Variants in TBCD observed in about 807,000 individuals in gnomAD.
TBCD encodes the protein tubulin-specific chaperone D.
In TBCD, 105 loss-of-function variants were observed where a neutral mutation model predicts 169.3. That is an observed-to-expected ratio of 0.62 (90% CI 0.53 to 0.73). The LOEUF (loss-of-function observed/expected upper bound fraction) is 0.73, where lower values mean the gene tolerates loss of function less well. TBCD is among the 30% of genes least tolerant of loss of function. TBCD has a pLI of 0.00. For synonymous variants in TBCD, 700 were observed against 643.9 expected (o/e 1.09, Z -1.32); for missense variants, 1,444 against 1,600.1 (o/e 0.90, Z 1.66).
At chr17:82,797,906 A>T (rs893125335) in intron 8 of TBCD, 104 bp downstream of exon 8, 2 of 722,116 alleles carry the variant, frequency 2.8e-6, no homozygotes, top group Non-Finnish European at 4.0e-6. Context: ...GGAACTGTAC[A>T]TTGGTATGTT....
intron 1 of TBCD, 146 bp downstream of exon 1, chr17:82,752,523 G>A: frequency 3.1e-6 from 2 of 644,654 alleles, no homozygotes; most frequent in Non-Finnish European, 4.0e-6. Context: ...CCGTGGTGGG[G>A]CGCGGCCTTC....
intron 22 of TBCD, among the ~76,000 whole-genome samples, chr17:82,911,288 C>T (rs1294584197): frequency 1.4e-4 from 22 of 152,242 alleles, no homozygotes; most frequent in African/African-American, 3.6e-4. Flanking sequence ...CAGGGCAGCG[C>T]GCCTGCCCTT....
intron 19 of TBCD, among the ~76,000 whole-genome samples, chr17:82,904,850 C>T (rs1232016572): frequency 6.6e-6 from 1 of 152,164 alleles, no homozygotes; most frequent in Non-Finnish European, 1.5e-5. Context: ...ATAATTAACC[C>T]TTGCTGACAC....
intron 14 of TBCD, among the ~76,000 whole-genome samples, chr17:82,879,813 A>G (rs1223549046): frequency 2.0e-5 from 3 of 152,154 alleles, no homozygotes; most frequent in Non-Finnish European, 4.4e-5. Context: ...ATAAACGGAA[A>G]TAATCAGTAG....
chr17:82,786,838 TTTGA>T (rs1379215554), intron 7 of TBCD, among the ~76,000 whole-genome samples: 12 of 143,994 alleles, frequency 8.3e-5, no homozygotes, highest in Non-Finnish European at 1.5e-4. Context: ...TTTTTTTTTT[TTTGA>T]TGATCTTGTT....
At chr17:82,902,271 C>T (rs2059942701) in intron 18 of TBCD, among the ~76,000 whole-genome samples, 1 of 152,166 alleles carries the variant, frequency 6.6e-6, no homozygotes, top group African/African-American at 2.4e-5. Context: ...GCTGGATAAA[C>T]GTGGTAGATC....
intron 13 of TBCD, among the ~76,000 whole-genome samples, chr17:82,861,556 C>T (rs949394973): frequency 6.6e-6 from 1 of 152,196 alleles, no homozygotes; most frequent in Non-Finnish European, 1.5e-5. Flanking sequence ...CCCGGTGTGC[C>T]GCGCACTGGC....
chr17:82,884,968 A>T lies in TBCD; in HGVS notation c.1533+766A>T, dbSNP rs550000038. The T allele has an allele frequency of 3.3e-5, 5 of 152,426 alleles. No individual in the cohort carries two copies. The highest frequency in any genetic ancestry group is 3.3e-4 in the Admixed American group (5 of 15,296). 9.4% of individuals were successfully genotyped at this position (152,426 alleles called of 1,614,324 possible). ...ACAGAGAGGCAGCCCTTTGAGAAAG[A>T]TGGAGGGGTGAGGTTGGCTTTTGGT... On this transcript the variant is annotated intron_variant, in intron 15 of 38. Transcript: ENST00000355528. This position sits in a 1 kb window ranked among gnomAD's most constrained non-coding sequence, Gnocchi z 4.2.
rs552388940 is a variant in TBCD at position 82,825,662 on chromosome 17, C to A, written c.1318+10728C>A. 1.1e-3 allele frequency among the ~76,000 whole-genome samples: 161 copies of A among 152,220 alleles called. 1 individual carries two copies. The highest frequency in any genetic ancestry group is 2.8e-4 in the Non-Finnish European group (19 of 68,022). ...TTGGAATTGTGACAAACTCTGTATCCCTCTTACAAGTTTTATAGAACTCTA... is the reference window on the plus strand; with the variant it reads ...TTGGAATTGTGACAAACTCTGTATCACTCTTACAAGTTTTATAGAACTCTA... On this transcript the variant is annotated intron_variant, in intron 13 of 38. Transcript: ENST00000355528.
At chr17:82,785,850 G>A (rs1366070573) in intron 7 of TBCD, among the ~76,000 whole-genome samples, 4 of 148,984 alleles carry the variant, frequency 2.7e-5, no homozygotes, top group African/African-American at 4.9e-5. Flanking sequence ...CCATCGCAGC[G>A]GGAGGGGGGT....
intron 17 of TBCD, among the ~76,000 whole-genome samples, chr17:82,895,191 C>T (rs1406637799): frequency 6.6e-6 from 1 of 152,252 alleles, no homozygotes; most frequent in East Asian, 1.9e-4. Flanking sequence ...CCTCACGATG[C>T]CAGGCCCTGC....
chr17:82,902,374 C>T (rs537441430), intron 18 of TBCD, among the ~76,000 whole-genome samples: 6 of 152,366 alleles, frequency 3.9e-5, no homozygotes, highest in Admixed American at 6.5e-5. Flanking sequence ...GCCGTCCTTA[C>T]GCGAAGAGGC....
chr17:82,917,019 CTTTTCTTTTTTTT>C (rs2061091911), intron 23 of TBCD, among the ~76,000 whole-genome samples: 1 of 108,518 alleles, frequency 9.2e-6, no homozygotes, highest in South Asian at 3.1e-4. Context: ...TTTTTCTTTT[CTTTTCTTTTTTTT>C]TTTTTTGAGT....
intron 13 of TBCD, among the ~76,000 whole-genome samples, chr17:82,847,381 A>T (rs971499853): frequency 6.8e-6 from 1 of 146,470 alleles, no homozygotes; most frequent in Non-Finnish European, 1.5e-5. Context: ...AAAAAAAAAG[A>T]AACAACCCTG....
chr17:82,881,571 T>A (rs905229899), intron 14 of TBCD, among the ~76,000 whole-genome samples: 3 of 152,138 alleles, frequency 2.0e-5, no homozygotes, highest in Non-Finnish European at 4.4e-5. Context: ...GAGGGGCCCC[T>A]CTGCTTGAGC....
rs1189741314 is a variant in TBCD at position 82,903,490 on chromosome 17, T to C, written c.1804+12T>C. The C allele has an allele frequency of 6.3e-7, 1 of 1,585,472 alleles. No individual in the cohort carries two copies. Among genetic ancestry groups the C allele is most frequent in the South Asian group, 1.2e-5 (1 of 86,652 alleles). On this transcript the variant is annotated intron_variant, in intron 19 of 38. Transcript: ENST00000355528. The surrounding 1 kb of genome is among the most constrained non-coding windows in gnomAD (Gnocchi z 4.8). Reference sequence around the variant, plus strand: ...CAGCGCCACGCAAGGTGGGTGTGTGTCCCGGCCGGCCTGCGGGCACCATGC... The same window carrying C: ...CAGCGCCACGCAAGGTGGGTGTGTGCCCCGGCCGGCCTGCGGGCACCATGC...
At chr17:82,828,676 A>G (rs956980995) in intron 13 of TBCD, among the ~76,000 whole-genome samples, 29 of 150,558 alleles carry the variant, frequency 1.9e-4, no homozygotes, top group African/African-American at 6.4e-4. Flanking sequence ...ATGCACACCC[A>G]CAGAATCGAG....
intron 37 of TBCD, among the ~76,000 whole-genome samples, chr17:82,940,544 G>A (rs889307630): frequency 6.6e-6 from 1 of 152,178 alleles, no homozygotes; most frequent in Non-Finnish European, 1.5e-5. Context: ...TAGAGCTCAC[G>A]CACCAGGCAG....
intron 13 of TBCD, among the ~76,000 whole-genome samples, chr17:82,829,038 C>T (rs1462277684): frequency 1.3e-5 from 2 of 149,400 alleles, no homozygotes. Context: ...CACACGCACA[C>T]CCACAGGATC....
Sources: allele counts gnomAD v4.1 joint callset (sites outside exome capture counted in the v4.1 genomes callset), GRCh38; gene constraint gnomAD v4.1.1; non-coding constraint Gnocchi (gnomAD v3.1); transcripts MANE v1.5; gene names NCBI Gene and HGNC (gene_info 2026-07-23, HGNC 2026-07-21).